DIS3L2: variants seen among roughly 807,000 people sequenced by gnomAD.
DIS3L2 encodes DIS3 like 3'-5' exoribonuclease 2.
A neutral mutation model predicts 97.5 loss-of-function variants in DIS3L2; 34 were observed. The observed-to-expected ratio is 0.35, with a 90% CI of 0.27 to 0.46. The LOEUF (loss-of-function observed/expected upper bound fraction) is 0.46. DIS3L2 is among the 20% of genes least tolerant of loss of function. The pLI is 1.00. For missense variants in DIS3L2, 1,038 were observed against 1,146.0 expected (o/e 0.91, Z 1.36); for synonymous variants, 435 against 445.2 (o/e 0.98, Z 0.29).
At chr2:232,032,676 G>A (rs1378529857) in intron 5 of DIS3L2, among the ~76,000 whole-genome samples, 4 of 151,244 alleles carry the variant, frequency 2.6e-5, no homozygotes, top group Non-Finnish European at 5.9e-5. Context: ...GTTAATTTTT[G>A]TATAAGGGGT....
chr2:232,040,040 A>G (rs1187221419), intron 5 of DIS3L2, among the ~76,000 whole-genome samples: 1 of 152,214 alleles, frequency 6.6e-6, no homozygotes, highest in African/African-American at 2.4e-5. Context: ...AATGGAAACA[A>G]TTATGGTACG....
Position 232,197,227 on chromosome 2 carries a change from G to A in DIS3L2, c.1125-13099G>A, listed in dbSNP as rs140698807. On this transcript the variant is annotated intron_variant, in intron 9 of 20. Coordinates refer to ENST00000325385, the MANE Select transcript of DIS3L2 (RefSeq NM_152383.5). ...CCACTAGAATTTAAATCCATTAAATGCTGTCATTTACCCCACTGTGCTTAG... is the reference window on the plus strand; with the variant it reads ...CCACTAGAATTTAAATCCATTAAATACTGTCATTTACCCCACTGTGCTTAG... 9.7e-3 allele frequency among the ~76,000 whole-genome samples: 1,475 copies of A among 152,186 alleles called. 11 individuals carry two copies. The highest frequency in any genetic ancestry group is 0.015 in the Non-Finnish European group (1,015 of 68,012).
At chr2:232,296,160 A>G (rs1283879540) in intron 13 of DIS3L2, among the ~76,000 whole-genome samples, 1 of 152,204 alleles carries the variant, frequency 6.6e-6, no homozygotes, top group African/African-American at 2.4e-5. Flanking sequence ...TGTCAGGGTG[A>G]GTAGCAATAG....
intron 10 of DIS3L2, among the ~76,000 whole-genome samples, chr2:232,213,803 G>A (rs918911462): frequency 6.6e-6 from 1 of 151,132 alleles, no homozygotes; most frequent in African/African-American, 2.4e-5. Flanking sequence ...GAGTTCAGAT[G>A]TACTCCCAGG....
At chr2:232,001,557 C>CTTTTTTTGTTT (rs1693904458) in intron 1 of DIS3L2, among the ~76,000 whole-genome samples, 1 of 61,920 alleles carries the variant, frequency 1.6e-5, no homozygotes, top group Non-Finnish European at 2.8e-5. Context: ...TGCCATTTGT[C>CTTTTTTTGTTT]TTTTTTTTTT....
At chr2:232,198,417 C>T (rs543430666) in intron 9 of DIS3L2, 1 of 152,246 alleles carries the variant, frequency 6.6e-6, no homozygotes, top group African/African-American at 2.4e-5. Context: ...TTCCTGGAAG[C>T]TTACAGCCCC....
At chr2:232,223,875 T>C (rs1399916429) in intron 10 of DIS3L2, among the ~76,000 whole-genome samples, 4 of 152,052 alleles carry the variant, frequency 2.6e-5, no homozygotes, top group Admixed American at 2.0e-4. Context: ...ATTGCTTGAG[T>C]CCAGGAATTT....
intron 9 of DIS3L2, among the ~76,000 whole-genome samples, chr2:232,183,974 G>A (rs1026134672): frequency 2.6e-5 from 4 of 152,166 alleles, no homozygotes; most frequent in African/African-American, 9.7e-5. Flanking sequence ...TTGATTTTAA[G>A]GCTGGAGAGA....
chr2:232,230,759 G>A (rs961172794), intron 10 of DIS3L2, among the ~76,000 whole-genome samples: 1 of 152,106 alleles, frequency 6.6e-6, no homozygotes, highest in Non-Finnish European at 1.5e-5. Flanking sequence ...GCGCTCCCTG[G>A]TGGCTTCCCA....
At position 232,029,857 on chromosome 2, in the gene DIS3L2, A is replaced by T. The variant is rs1343487431; in HGVS notation, c.265-122A>T. On this transcript the variant is annotated intron_variant, in intron 4 of 20. Transcript: ENST00000325385. Reference sequence around the variant, plus strand: ...AAGGTATCAGCATGCTTTATTTAATACGAAAAAGGATAACCTAAGAATAAC... The same window carrying T: ...AAGGTATCAGCATGCTTTATTTAATTCGAAAAAGGATAACCTAAGAATAAC... 9 of 685,856 alleles carry T rather than the reference A, an allele frequency of 1.3e-5. 1 individual carries two copies. In the East Asian group the frequency reaches 1.4e-4, roughly 11 times the overall value. 42.5% of individuals were successfully genotyped at this position (685,856 alleles called of 1,614,324 possible).
At chr2:232,206,586 A>G (rs1046463757) in intron 9 of DIS3L2, among the ~76,000 whole-genome samples, 1 of 152,172 alleles carries the variant, frequency 6.6e-6, no homozygotes, top group South Asian at 2.1e-4. Flanking sequence ...CTCATCTTGC[A>G]GGTCACTCAC....
chr2:231,976,533 G>A (rs2106171468), intron 1 of DIS3L2, among the ~76,000 whole-genome samples: 1 of 151,822 alleles, frequency 6.6e-6, no homozygotes, highest in East Asian at 2.0e-4. Flanking sequence ...GGGGGCTGTG[G>A]TGGGAGGATC....
At chr2:232,314,931 CT>C (rs1695229359) in intron 14 of DIS3L2, among the ~76,000 whole-genome samples, 2 of 152,214 alleles carry the variant, frequency 1.3e-5, no homozygotes, top group Admixed American at 1.3e-4. Context: ...ACATCCATAC[CT>C]TTCTCAGAAG....
chr2:232,339,033 C>T (rs960960646), downstream of DIS3L2, among the ~76,000 whole-genome samples: 1 of 152,210 alleles, frequency 6.6e-6, no homozygotes, highest in Admixed American at 6.5e-5. Context: ...GAGTGTGTCC[C>T]TGCCCTGAAG....
chr2:232,214,699 T>C (rs1692285171), intron 10 of DIS3L2, among the ~76,000 whole-genome samples: 2 of 152,194 alleles, frequency 1.3e-5, no homozygotes, highest in South Asian at 4.1e-4. Context: ...TTCCTCCTTA[T>C]TGGGCAGGAC....
At chr2:232,209,117 A>T (rs942641291) in intron 9 of DIS3L2, among the ~76,000 whole-genome samples, 4 of 152,190 alleles carry the variant, frequency 2.6e-5, no homozygotes, top group Non-Finnish European at 4.4e-5. Flanking sequence ...GGCGCATCTT[A>T]TAATTAATAC....
chr2:232,087,561 A>T lies in DIS3L2; in HGVS notation c.441A>T (p.Gly147=). Reference sequence around the variant, plus strand: ...CAGATATCCCCGAGGAGCTCTGTGGACACCATCTCCCGCAACAGTCCCTGA... The same window carrying T: ...CAGATATCCCCGAGGAGCTCTGTGGTCACCATCTCCCGCAACAGTCCCTGA... ...YESDIPEELC[G]HHLPQQSLKS... Residue 147 remains glycine (G), a synonymous_variant, in exon 6 of 21, where the codon GGA becomes GGT. Coordinates refer to ENST00000325385, the MANE Select transcript of DIS3L2 (RefSeq NM_152383.5). 1 of 1,614,014 alleles carries T rather than the reference A, an allele frequency of 6.2e-7. No individual in the cohort carries two copies.
intron 6 of DIS3L2, among the ~76,000 whole-genome samples, chr2:232,117,039 C>G (rs1344117950): frequency 2.0e-5 from 3 of 152,186 alleles, no homozygotes; most frequent in Non-Finnish European, 4.4e-5. Context: ...CCCCTTGGCT[C>G]TGACACTCAT....
intron 14 of DIS3L2, among the ~76,000 whole-genome samples, chr2:232,324,558 G>A (rs1376099078): frequency 1.2e-4 from 19 of 152,170 alleles, no homozygotes. Flanking sequence ...TCCTGTGTGA[G>A]GAAGGGGTGA....
Sources: gnomAD v4.1 joint callset for allele counts (sites outside exome capture counted in the v4.1 genomes callset) on GRCh38, gnomAD v4.1.1 for gene constraint, MANE v1.5 for transcripts, NCBI Gene and HGNC (gene_info 2026-07-23, HGNC 2026-07-21) for gene names.